The following PSG5 variants were observed in gnomAD, a reference collection of about 807,000 sequenced individuals.
PSG5 encodes pregnancy specific beta-1-glycoprotein 5.
A neutral mutation model predicts 37.7 loss-of-function variants in PSG5; 53 were observed. The ratio of observed to expected loss-of-function variants is 1.41; its 90% CI spans 1.13 to 1.77. The LOEUF (loss-of-function observed/expected upper bound fraction) is 1.77, where lower values mean the gene tolerates loss of function less well. PSG5 is among the 40% of genes most tolerant of loss of function. The probability of loss-of-function intolerance (pLI) is 0.00; values close to 1 mark genes in which losing one functional copy is unlikely to be tolerated. For missense variants in PSG5, 547 were observed against 405.2 expected, an observed-to-expected ratio of 1.35 and a Z score of -3.00; for synonymous variants, 221 against 155.4, an observed-to-expected ratio of 1.42 and a Z score of -3.14.
At chr19:43,173,122 G>A (rs974367142) in intron 4 of PSG5, among the ~76,000 whole-genome samples, 1 of 151,660 alleles carries the variant, frequency 6.6e-6, no homozygotes, top group Non-Finnish European at 1.5e-5. Context: ...ATTCAATGGG[G>A]AACGGACAGT....
At position 43,171,775 on chromosome 19, in the gene PSG5, A is replaced by G. The variant is rs1024567308; in HGVS notation, c.965-1637T>C. ...CTTGAGACCAGGTGTTTGGACCAGC[A>G]TGGGTAACCTGGGGAGATGCTGTCT... On this transcript the variant is annotated intron_variant, in intron 4 of 5. Coordinates refer to ENST00000342951, the MANE Select transcript of PSG5 (RefSeq NM_002781.4). Among the ~76,000 whole-genome samples, 9 of 151,412 alleles carry G rather than the reference A, an allele frequency of 5.9e-5. 1 individual carries two copies. Among genetic ancestry groups the G allele is most frequent in the African/African-American group, 2.2e-4 (9 of 41,066 alleles).
intron 2 of PSG5, among the ~76,000 whole-genome samples, chr19:43,181,224 G>A (rs182788259): frequency 1.7e-4 from 26 of 151,712 alleles, no homozygotes; most frequent in African/African-American, 4.9e-4. Flanking sequence ...TTCACATTAC[G>A]TGTATCTGAC....
chr19:43,172,322 A>C (rs1191005226), intron 4 of PSG5, among the ~76,000 whole-genome samples: 1 of 151,704 alleles, frequency 6.6e-6, no homozygotes, highest in Non-Finnish European at 1.5e-5. Flanking sequence ...TCCCTGTATG[A>C]GCAGGAACAA....
At chr19:43,185,218 C>T in intron 1 of PSG5, 71 bp from the exon 2 acceptor site, 1 of 1,482,566 alleles carries the variant, frequency 6.7e-7, no homozygotes, top group East Asian at 2.3e-5. Flanking sequence ...AGCCCTGGGT[C>T]CTGAGAAGGT....
At chr19:43,171,793 T>C (rs1274338880) in intron 4 of PSG5, among the ~76,000 whole-genome samples, 5 of 151,160 alleles carry the variant, frequency 3.3e-5, no homozygotes, top group African/African-American at 4.9e-5. Flanking sequence ...CCTGGGGAGA[T>C]GCTGTCTCTA....
At chr19:43,172,614 A>G (rs1968928612) in intron 4 of PSG5, among the ~76,000 whole-genome samples, 1 of 151,720 alleles carries the variant, frequency 6.6e-6, no homozygotes, top group South Asian at 2.1e-4. Flanking sequence ...AAATTAAGAA[A>G]AATAATTTCA....
chr19:43,177,418 C>T (rs1422844691), intron 2 of PSG5, among the ~76,000 whole-genome samples: 4 of 151,514 alleles, frequency 2.6e-5, no homozygotes, highest in African/African-American at 9.7e-5. Flanking sequence ...CTGAAAGATT[C>T]AAAATCTAAA....
Position 43,174,997 on chromosome 19 carries a change from C to T in PSG5, c.964+218G>A, listed in dbSNP as rs1300075107. On this transcript the variant is annotated intron_variant, in intron 4 of 5. Coordinates refer to ENST00000342951, the MANE Select transcript of PSG5 (RefSeq NM_002781.4). ...AGGGCTGATAAAGCCCCCTCCCTAA[C>T]TTTCTTAGGCCAGACACAAGGTCAG... 4 of 1,428,440 alleles carry T rather than the reference C, an allele frequency of 2.8e-6. No homozygotes were observed. In the African/African-American group the frequency reaches 4.4e-5, roughly 16 times the overall value. 88.5% of individuals were successfully genotyped at this position (1,428,440 alleles called of 1,614,324 possible). A position where few individuals can be genotyped will look rare whatever the true frequency, so the allele number is the denominator to read the frequency against.
chr19:43,183,035 G>A (rs1467599203), intron 2 of PSG5, among the ~76,000 whole-genome samples: 4 of 151,068 alleles, frequency 2.6e-5, no homozygotes, highest in East Asian at 3.9e-4. Flanking sequence ...CTAGGGGTGG[G>A]GGAAGAAGCT....
chr19:43,169,333 T>C (rs1968854352), intron 5 of PSG5, among the ~76,000 whole-genome samples: 1 of 151,642 alleles, frequency 6.6e-6, no homozygotes, highest in African/African-American at 2.4e-5. Flanking sequence ...GGTTCACATG[T>C]TAATCCTAAA....
At chr19:43,171,948 G>T (rs1001858642) in intron 4 of PSG5, among the ~76,000 whole-genome samples, 18 of 138,378 alleles carry the variant, frequency 1.3e-4, no homozygotes, top group African/African-American at 4.4e-4. Context: ...TTCCATCCTG[G>T]ACTGGTCTAC....
In PSG5 at chr19:43,175,889, T is replaced by A; in HGVS notation, c.690A>T (p.Pro230=). The change falls in exon 3 of 6, where the codon CCA becomes CCT. Residue 230 remains proline, a synonymous_variant. Coordinates refer to ENST00000342951, the MANE Select transcript of PSG5 (RefSeq NM_002781.4). ...RDRDGGMRSD[P]VTLNVLYGPD... The stretch of plus-strand genomic sequence containing the variant: ...ACTCACAGAGGACATTCAGGGTGAC[T>A]GGGTCACTGCGCATGCCACCATCTC... 2.5e-6 allele frequency: 4 copies of A among 1,612,500 alleles called. No homozygotes were observed. The highest frequency in any genetic ancestry group is 3.4e-6 in the Non-Finnish European group (4 of 1,179,160).
Position 43,168,079 on chromosome 19 carries a change from G to T in PSG5, c.*165C>A, listed in dbSNP as rs186558942. The T allele has an allele frequency of 5.9e-4, 263 of 442,270 alleles. 9 individuals carry two copies. In the Middle Eastern group the frequency reaches 9.3e-3, roughly 16 times the overall value. The allele number at this position is 442,270 out of a possible 1,614,324, so 27.4% of individuals were successfully genotyped here. On this transcript the variant is annotated 3_prime_UTR_variant, in exon 6 of 6. Transcript: ENST00000342951. ...GTTCTTAGTCCAGTGGTATGATCTTGAAGTTATCAGGAACTTGTATTCAAG... is the reference window on the plus strand; with the variant it reads ...GTTCTTAGTCCAGTGGTATGATCTTTAAGTTATCAGGAACTTGTATTCAAG...
intron 5 of PSG5, 22 bp downstream of exon 5, chr19:43,170,033 A>G: frequency 1.4e-6 from 2 of 1,417,698 alleles, no homozygotes; most frequent in Non-Finnish European, 2.0e-6. Flanking sequence ...AGGAACCAGG[A>G]TAAGAGAAAA....
chr19:43,174,417 C>A lies in PSG5; in HGVS notation c.964+798G>T, dbSNP rs954217408. 150 of 845,218 alleles carry A rather than the reference C, an allele frequency of 1.8e-4. 1 individual carries two copies. Among genetic ancestry groups the A allele is most frequent in the Non-Finnish European group, 2.1e-4 (146 of 703,014 alleles). The allele number at this position is 845,218 out of a possible 1,614,324, so 52.4% of individuals were successfully genotyped here. A position where few individuals can be genotyped will look rare whatever the true frequency, so the allele number is the denominator to read the frequency against. On this transcript the variant is annotated intron_variant, in intron 4 of 5. Coordinates refer to ENST00000342951, the MANE Select transcript of PSG5 (RefSeq NM_002781.4). ...CACACTTTTTGGCACTGCCCCTTTCCTGCCATGCAGAGCCCCAGGGGTGAA... is the reference window on the plus strand; with the variant it reads ...CACACTTTTTGGCACTGCCCCTTTCATGCCATGCAGAGCCCCAGGGGTGAA...
intron 2 of PSG5, among the ~76,000 whole-genome samples, chr19:43,178,546 G>T (rs1302224280): frequency 6.6e-6 from 1 of 151,558 alleles, no homozygotes; most frequent in Non-Finnish European, 1.5e-5. Flanking sequence ...GTCTGTGGAA[G>T]GGCCACAGTG....
At chr19:43,174,600 C>G in intron 4 of PSG5, 1 of 970,216 alleles carries the variant, frequency 1.0e-6, no homozygotes, top group Non-Finnish European at 1.2e-6. Context: ...GCAGCCTGGC[C>G]CGGGGGAGGC....
rs1292316597 is a variant in PSG5, at chr19:43,183,921, A to G, written c.430+861T>C. Among the ~76,000 whole-genome samples, 21 of 78,452 alleles carry G rather than the reference A, an allele frequency of 2.7e-4. 1 individual carries two copies. Among genetic ancestry groups the G allele is most frequent in the Admixed American group, 1.7e-3 (16 of 9,308 alleles). 51.5% of individuals were successfully genotyped at this position (78,452 alleles called of 152,430 possible). On this transcript the variant is annotated intron_variant, in intron 2 of 5. Transcript: ENST00000342951. The stretch of plus-strand genomic sequence containing the variant: ...AGTGGCAAATGGACTGTGGATTTTC[A>G]TGCTACTGTGAATAAATGTTAAATG...
At position 43,173,130 on chromosome 19, in the gene PSG5, A is replaced by G. The variant is rs367769951; in HGVS notation, c.964+2085T>C. On this transcript the variant is annotated intron_variant, in intron 4 of 5. Transcript: ENST00000342951. ...CAAGATCATTCAATGGGGAACGGACAGTGTTCTCACCAAATGATATTGGGA... is the reference window on the plus strand; with the variant it reads ...CAAGATCATTCAATGGGGAACGGACGGTGTTCTCACCAAATGATATTGGGA... Among the ~76,000 whole-genome samples the G allele has an allele frequency of 2.6e-5, 4 of 151,824 alleles. No individual in the cohort carries two copies. In the East Asian group the frequency reaches 7.7e-4, roughly 29 times the overall value.
Sources: gnomAD v4.1 joint callset for allele counts (sites outside exome capture counted in the v4.1 genomes callset) on GRCh38, gnomAD v4.1.1 for gene constraint, MANE v1.5 for transcripts, NCBI Gene and HGNC (gene_info 2026-07-23, HGNC 2026-07-21) for gene names.